MCC: variants seen among roughly 807,000 people sequenced by gnomAD.
The protein encoded by MCC is MCC regulator of Wnt signaling pathway.
Under a neutral mutation model 116.2 loss-of-function variants are expected in MCC, and 90 were observed. That is an observed-to-expected ratio of 0.77 (90% CI 0.65 to 0.92). The LOEUF (loss-of-function observed/expected upper bound fraction) is 0.92, where lower values mean the gene tolerates loss of function less well. MCC is among the 40% of genes least tolerant of loss of function. The probability of loss-of-function intolerance (pLI) is 0.00; values close to 1 mark genes in which losing one functional copy is unlikely to be tolerated. For missense variants in MCC, 1,516 were observed against 1,312.2 expected, an observed-to-expected ratio of 1.16 and a Z score of -2.40; for synonymous variants, 578 against 510.5, an observed-to-expected ratio of 1.13 and a Z score of -1.78.
intron 3 of MCC, among the ~76,000 whole-genome samples, chr5:113,338,054 G>A (rs1426076534): frequency 6.6e-6 from 1 of 152,186 alleles, no homozygotes; most frequent in East Asian, 1.9e-4. Flanking sequence ...ATGAAGAACT[G>A]GGGCCCAAAA....
intron 17 of MCC, among the ~76,000 whole-genome samples, chr5:113,033,845 T>C (rs572110927): frequency 8.5e-5 from 13 of 152,188 alleles, no homozygotes; most frequent in South Asian, 2.1e-4. Flanking sequence ...TTGGGCTTCT[T>C]ATTCCTGGTG....
chr5:113,260,717 C>CT (rs894628364), intron 3 of MCC, among the ~76,000 whole-genome samples: 50 of 147,610 alleles, frequency 3.4e-4, no homozygotes, highest in East Asian at 1.2e-3. Context: ...AGTTATGTAG[C>CT]TTTTTTTTTT....
intron 11 of MCC, among the ~76,000 whole-genome samples, chr5:113,073,817 A>C (rs1754218743): frequency 6.6e-6 from 1 of 152,230 alleles, no homozygotes; most frequent in Non-Finnish European, 1.5e-5. Context: ...GCAAGGCCAC[A>C]GCGAGGTTGG....
In MCC at chr5:113,488,358, G is replaced by A; in HGVS notation, c.57C>T (p.Gly19=). 1 of 1,516,344 alleles carries A rather than the reference G, an allele frequency of 6.6e-7. No homozygotes were observed. The highest frequency in any genetic ancestry group is 2.1e-5 in the Admixed American group (1 of 47,564). 93.9% of individuals were successfully genotyped at this position (1,516,344 alleles called of 1,614,324 possible). A position where few individuals can be genotyped will look rare whatever the true frequency, so the allele number is the denominator to read the frequency against. The change falls in exon 1 of 19, where the codon GGC becomes GGT. Residue 19 remains glycine, a synonymous_variant. Transcript: ENST00000408903. ...TGCTGCTGCTGCTGCCGCTGCCGCC[G>A]CCGCCGCCGCCGCTGCTGGAGCTCC... The part of the protein sequence containing the change: ...AAGSSSSGGG[G]GGSGSSSSSS...
chr5:113,402,297 A>AG (rs1769713387), intron 1 of MCC, among the ~76,000 whole-genome samples: 1 of 142,410 alleles, frequency 7.0e-6, no homozygotes, highest in African/African-American at 2.5e-5. Flanking sequence ...CCGTCTCAAA[A>AG]AAAAAAAAAA....
At chr5:113,377,686 AAAAG>A (rs1337327627) in intron 2 of MCC, among the ~76,000 whole-genome samples, 2 of 152,234 alleles carry the variant, frequency 1.3e-5, no homozygotes, top group Admixed American at 6.5e-5. Flanking sequence ...ATGATTAATA[AAAAG>A]AGACAAAAAT....
At chr5:113,465,090 C>T (rs1771858148) in intron 1 of MCC, among the ~76,000 whole-genome samples, 1 of 150,918 alleles carries the variant, frequency 6.6e-6, no homozygotes, top group Admixed American at 6.6e-5. Context: ...CTGAAAATAG[C>T]CAAGATTTTT....
intron 3 of MCC, among the ~76,000 whole-genome samples, chr5:113,271,959 T>A (rs1327128545): frequency 6.6e-6 from 1 of 152,188 alleles, no homozygotes; most frequent in Non-Finnish European, 1.5e-5. Flanking sequence ...CAAAATGAAC[T>A]GAGACAGTTG....
chr5:113,433,722 G>A, intron 1 of MCC: 3 of 1,603,060 alleles, frequency 1.9e-6, no homozygotes, highest in Non-Finnish European at 2.6e-6. Context: ...CTCATTCCCT[G>A]GGCCGCAAGA....
intron 2 of MCC, among the ~76,000 whole-genome samples, chr5:113,342,084 TATG>T (rs1768032529): frequency 6.6e-6 from 1 of 151,986 alleles, no homozygotes; most frequent in African/African-American, 2.4e-5. Context: ...AGTGAGAACA[TATG>T]ATGTTTGGTT....
chr5:113,407,200 G>A (rs1250422525), intron 1 of MCC, among the ~76,000 whole-genome samples: 3 of 152,156 alleles, frequency 2.0e-5, no homozygotes, highest in African/African-American at 7.2e-5. Flanking sequence ...CATGCAAAGA[G>A]GTTAAGTAAC....
rs915092324 is a variant in MCC, at chr5:113,023,644, A to G, written c.*3658T>C. ...GAATCTAGAAGTAGGTAGAGCTGTA[A>G]ATAGTTTAATAGAATGATTGGGACA... On this transcript the variant is annotated 3_prime_UTR_variant, in exon 19 of 19. Transcript: ENST00000408903. 4 of 152,208 alleles carry G rather than the reference A, an allele frequency of 2.6e-5. No homozygotes were observed. Among genetic ancestry groups the G allele is most frequent in the African/African-American group, 9.6e-5 (4 of 41,456 alleles). The allele number at this position is 152,208 out of a possible 1,614,324, so 9.4% of individuals were successfully genotyped here. A position where few individuals can be genotyped will look rare whatever the true frequency, so the allele number is the denominator to read the frequency against.
At chr5:113,471,241 G>A (rs1772081549) in intron 1 of MCC, among the ~76,000 whole-genome samples, 1 of 152,206 alleles carries the variant, frequency 6.6e-6, no homozygotes, top group Non-Finnish European at 1.5e-5. Flanking sequence ...TTTGGAGGAG[G>A]AGAGGCACTC....
intron 15 of MCC, among the ~76,000 whole-genome samples, chr5:113,051,642 T>C (rs1277880663): frequency 6.6e-6 from 1 of 152,106 alleles, no homozygotes; most frequent in East Asian, 1.9e-4. Context: ...GGAGGATCAC[T>C]TCCAGCCCAA....
At chr5:113,427,146 C>G (rs973912675) in intron 1 of MCC, among the ~76,000 whole-genome samples, 1 of 152,098 alleles carries the variant, frequency 6.6e-6, no homozygotes, top group Non-Finnish European at 1.5e-5. Context: ...TTATCATCCT[C>G]AAAAGTTTGC....
chr5:113,219,371 A>G (rs1395905652), intron 3 of MCC, among the ~76,000 whole-genome samples: 4 of 152,252 alleles, frequency 2.6e-5, no homozygotes, highest in African/African-American at 4.8e-5. Flanking sequence ...AGGACTTCCA[A>G]TAAAAAGTCA....
intron 7 of MCC, among the ~76,000 whole-genome samples, chr5:113,103,029 G>A (rs1359222407): frequency 1.3e-5 from 2 of 152,134 alleles, no homozygotes; most frequent in Non-Finnish European, 2.9e-5. Flanking sequence ...CAGGAGAATC[G>A]CTTGAATCTG....
chr5:113,275,071 A>G (rs1765772415), intron 3 of MCC, among the ~76,000 whole-genome samples: 1 of 152,110 alleles, frequency 6.6e-6, no homozygotes. Context: ...CCTGAAAGCC[A>G]CAAAAACCTA....
chr5:113,289,332 A>C (rs1009176726), intron 3 of MCC, among the ~76,000 whole-genome samples: 2 of 151,594 alleles, frequency 1.3e-5, no homozygotes, highest in Non-Finnish European at 2.9e-5. Context: ...CCATCTCAAA[A>C]AAAAAAAAAA....
Sources: gnomAD v4.1 joint callset for allele counts (sites outside exome capture counted in the v4.1 genomes callset) on GRCh38, gnomAD v4.1.1 for gene constraint, MANE v1.5 for transcripts, NCBI Gene and HGNC (gene_info 2026-07-23, HGNC 2026-07-21) for gene names.